The following ANKRD36 variants were observed in gnomAD, a reference collection of about 807,000 sequenced individuals.
ANKRD36 encodes ankyrin repeat domain 36.
ANKRD36 carries 179 observed loss-of-function variants against 278.1 expected under a neutral mutation model. The ratio of observed to expected loss-of-function variants is 0.64; its 90% CI spans 0.57 to 0.73. The LOEUF (loss-of-function observed/expected upper bound fraction) is 0.73. ANKRD36 is among the 30% of genes least tolerant of loss of function. The pLI is 0.00. For missense variants in ANKRD36, 1,159 were observed against 1,956.7 expected, an observed-to-expected ratio of 0.59 and a Z score of 7.69; for synonymous variants, 320 against 641.1, an observed-to-expected ratio of 0.50 and a Z score of 7.57.
intron 44 of ANKRD36, among the ~76,000 whole-genome samples, chr2:97,199,968 G>A (rs560072254): frequency 1.1e-3 from 172 of 151,966 alleles, no homozygotes; most frequent in African/African-American, 3.9e-3. Flanking sequence ...TGAAAGACAT[G>A]TGGGATCATG....
Position 97,185,478 on chromosome 2 carries a change from C to T in ANKRD36, c.2009C>T (p.Thr670Ile), listed in dbSNP as rs767573890. ...ACAGATTCTGCTTTGAATATAGCTACAGAAATAAAGGATGGACTACAGTGT... is the reference window on the plus strand; with the variant it reads ...ACAGATTCTGCTTTGAATATAGCTATAGAAATAAAGGATGGACTACAGTGT... The part of the protein sequence containing the change: ...DKTDSALNIA[T>I]EIKDGLQCGT... The change falls in exon 30 of 76, where the codon ACA becomes ATA. Residue 670 changes from threonine (T) to isoleucine (I), a missense_variant. Coordinates refer to ENST00000420699, the MANE Select transcript of ANKRD36 (RefSeq NM_001354587.1). 2 of 1,611,036 alleles carry T rather than the reference C, an allele frequency of 1.2e-6. No individual in the cohort carries two copies. Among genetic ancestry groups the T allele is most frequent in the Admixed American group, 3.4e-5 (2 of 59,492 alleles).
intron 28 of ANKRD36, 56 bp downstream of exon 28, chr2:97,183,710 C>G: frequency 2.0e-6 from 3 of 1,515,922 alleles, no homozygotes; most frequent in East Asian, 2.5e-5. Context: ...AGAGAACGTC[C>G]CACCCCTGAA....
At chr2:97,140,545 C>T (rs1362648483) in intron 6 of ANKRD36, among the ~76,000 whole-genome samples, 1 of 151,746 alleles carries the variant, frequency 6.6e-6, no homozygotes, top group Non-Finnish European at 1.5e-5. Context: ...AGCATAGAGA[C>T]AAAATAAGAG....
In ANKRD36 at chr2:97,134,765, T is replaced by C. The variant is rs953312238; in HGVS notation, c.799+7631T>C. ...CTCCAGTGAGTTTATGGTTCCTTTATATATATTTTATATATTAGAAAGTAC... is the reference window on the plus strand; with the variant it reads ...CTCCAGTGAGTTTATGGTTCCTTTACATATATTTTATATATTAGAAAGTAC... On this transcript the variant is annotated intron_variant, in intron 6 of 75. Coordinates refer to ENST00000420699, the MANE Select transcript of ANKRD36 (RefSeq NM_001354587.1). Among the ~76,000 whole-genome samples the C allele has an allele frequency of 3.9e-5, 6 of 152,042 alleles. 1 individual carries two copies. The highest frequency in any genetic ancestry group is 8.8e-5 in the Non-Finnish European group (6 of 68,008).
At chr2:97,229,744 A>G (rs1258059988) in intron 67 of ANKRD36, among the ~76,000 whole-genome samples, 4 of 151,970 alleles carry the variant, frequency 2.6e-5, no homozygotes, top group African/African-American at 9.7e-5. Flanking sequence ...GATGGTCTTT[A>G]TATTTTGGCA....
rs71218080 is a variant in ANKRD36, at chr2:97,260,347, GATATATATATATATATAT to G, written c.*7-3966_*7-3949del. 4.6e-4 allele frequency among the ~76,000 whole-genome samples: 54 copies of G among 117,646 alleles called. 1 individual carries two copies. Among genetic ancestry groups the G allele is most frequent in the African/African-American group, 1.1e-3 (35 of 31,290 alleles). 77.2% of individuals were successfully genotyped at this position (117,646 alleles called of 152,430 possible). ...GTCAATGAGCAGTAATATTTTAAAAGATATATATATATATATATATATATATATATATACACACATATA... is the reference window on the plus strand; with the variant it reads ...GTCAATGAGCAGTAATATTTTAAAAGATATATATATATATACACACATATA... On this transcript the variant is annotated intron_variant, in intron 75 of 75. Transcript: ENST00000420699.
chr2:97,161,598 A>G (rs907181865), intron 17 of ANKRD36, among the ~76,000 whole-genome samples: 1 of 152,218 alleles, frequency 6.6e-6, no homozygotes, highest in Non-Finnish European at 1.5e-5. Flanking sequence ...AAACATTTAC[A>G]TTCTAGCATA....
intron 17 of ANKRD36, among the ~76,000 whole-genome samples, chr2:97,160,249 G>C (rs1250763003): frequency 6.6e-6 from 1 of 152,304 alleles, no homozygotes; most frequent in African/African-American, 2.4e-5. Flanking sequence ...TACATGTGAT[G>C]AATGCAGTCA....
chr2:97,211,631 C>A, intron 57 of ANKRD36, 38 bp from the exon 58 acceptor site: 1 of 1,593,046 alleles, frequency 6.3e-7, no homozygotes, highest in Non-Finnish European at 8.5e-7. Context: ...ATGAAATATA[C>A]TTTATTTATT....
chr2:97,129,499 G>C (rs1453987795), intron 6 of ANKRD36, among the ~76,000 whole-genome samples: 1 of 151,980 alleles, frequency 6.6e-6, no homozygotes, highest in Non-Finnish European at 1.5e-5. Context: ...GTCAATTTTG[G>C]CTTCTGTTGC....
intron 75 of ANKRD36, among the ~76,000 whole-genome samples, chr2:97,258,141 G>A (rs1486928823): frequency 6.9e-6 from 1 of 144,594 alleles, no homozygotes; most frequent in Non-Finnish European, 1.5e-5. Context: ...TTACTTTTAT[G>A]TGTTTTTTCT....
chr2:97,178,257 G>T (rs1309065529), intron 22 of ANKRD36, among the ~76,000 whole-genome samples: 1 of 151,942 alleles, frequency 6.6e-6, no homozygotes, highest in Non-Finnish European at 1.5e-5. Flanking sequence ...AACCATTGTG[G>T]AAGTCAGTGT....
Position 97,118,534 on chromosome 2 carries a change from G to A in ANKRD36, c.486+17G>A, listed in dbSNP as rs1335334366. 6.6e-7 allele frequency: 1 copy of A among 1,517,676 alleles called. No homozygotes were observed. The highest frequency in any genetic ancestry group is 2.3e-5 in the East Asian group (1 of 43,924). The allele number at this position is 1,517,676 out of a possible 1,614,324, so 94.0% of individuals were successfully genotyped here. A position where few individuals can be genotyped will look rare whatever the true frequency, so the allele number is the denominator to read the frequency against. ...TGCAGCAAGGTATAGGTCAACCAAT[G>A]TTATTTTCAAACTATCTGAAATGCA... On this transcript the variant is annotated intron_variant, in intron 3 of 75. Coordinates refer to ENST00000420699, the MANE Select transcript of ANKRD36 (RefSeq NM_001354587.1).
At chr2:97,192,481 A>G (rs2058736404) in intron 36 of ANKRD36, among the ~76,000 whole-genome samples, 1 of 151,718 alleles carries the variant, frequency 6.6e-6, no homozygotes, top group South Asian at 2.1e-4. Context: ...GATTTGTTGC[A>G]TGAAAGACAT....
At chr2:97,229,602 C>T (rs2071186054) in intron 67 of ANKRD36, among the ~76,000 whole-genome samples, 1 of 152,106 alleles carries the variant, frequency 6.6e-6, no homozygotes, top group African/African-American at 2.4e-5. Flanking sequence ...ATTTGCCAGT[C>T]TGTGTCTTTT....
intron 44 of ANKRD36, among the ~76,000 whole-genome samples, chr2:97,199,241 GCTACT>G (rs2060624405): frequency 6.6e-6 from 1 of 151,862 alleles, no homozygotes; most frequent in African/African-American, 2.4e-5. Flanking sequence ...TTTGATTTTG[GCTACT>G]CCAGGAACTA....
intron 56 of ANKRD36, among the ~76,000 whole-genome samples, chr2:97,211,201 C>T (rs945704800): frequency 4.6e-5 from 7 of 151,912 alleles, no homozygotes; most frequent in Non-Finnish European, 2.9e-5. Context: ...GTAGCACCTG[C>T]TTTGACATTG....
chr2:97,173,582 G>A (rs1575319606), intron 22 of ANKRD36, among the ~76,000 whole-genome samples: 1 of 151,824 alleles, frequency 6.6e-6, no homozygotes, highest in South Asian at 2.1e-4. Context: ...ATACAGTGGT[G>A]GTGAAAATAA....
In ANKRD36 at chr2:97,202,152, T is replaced by A. The variant is rs1192792207; in HGVS notation, c.2858-50T>A. ...CTAACAGTGCTCGAATGTATGGAAA[T>A]CTTTGTCATATTTACGTATGACTGA... On this transcript the variant is annotated intron_variant, in intron 46 of 75. Coordinates refer to ENST00000420699, the MANE Select transcript of ANKRD36 (RefSeq NM_001354587.1). The A allele has an allele frequency of 2.5e-6, 4 of 1,605,380 alleles. No homozygotes were observed. In the Admixed American group the frequency reaches 5.1e-5, roughly 20 times the overall value.
Sources: allele counts gnomAD v4.1 joint callset (sites outside exome capture counted in the v4.1 genomes callset), GRCh38; gene constraint gnomAD v4.1.1; transcripts MANE v1.5; gene names NCBI Gene and HGNC (gene_info 2026-07-23, HGNC 2026-07-21).